Variants in LIMS1 observed in about 807,000 individuals in gnomAD.
LIMS1 encodes LIM and senescent cell antigen-like-containing domain protein 1.
In LIMS1, 18 loss-of-function variants were observed where a neutral mutation model predicts 44.1. That is an observed-to-expected ratio of 0.41 (90% CI 0.28 to 0.61). The LOEUF is 0.61. Among genes scored for constraint, LIMS1 ranks in the 20% least tolerant of loss-of-function variants. The probability of loss-of-function intolerance (pLI) is 0.32; values close to 1 mark genes in which losing one functional copy is unlikely to be tolerated. For synonymous variants in LIMS1, 93 were observed against 149.1 expected, an observed-to-expected ratio of 0.62 and a Z score of 2.74; for missense variants, 201 against 422.0, an observed-to-expected ratio of 0.48 and a Z score of 4.59.
chr2:108,677,828 A>C (rs1488623208), intron 7 of LIMS1, 151 bp from the exon 8 acceptor site: 24 of 1,273,612 alleles, frequency 1.9e-5, no homozygotes, highest in Admixed American at 2.8e-5. Flanking sequence ...AATTACTTTC[A>C]TTGTAAGAAG....
At chr2:108,552,547 CTA>C (rs1293675239) in intron 1 of LIMS1, among the ~76,000 whole-genome samples, 5 of 142,786 alleles carry the variant, frequency 3.5e-5, no homozygotes, top group Admixed American at 2.1e-4. Flanking sequence ...TATATATACA[CTA>C]TGAGTGAACT....
chr2:108,685,122 A>G (rs1261552126), exon 10 of LIMS1: 7 of 152,166 alleles, frequency 4.6e-5, no homozygotes, highest in African/African-American at 1.4e-4. Flanking sequence ...TTATCTTATT[A>G]GAAGAAAATG....
At chr2:108,572,049 A>C (rs2104633544) in intron 1 of LIMS1, among the ~76,000 whole-genome samples, 1 of 152,346 alleles carries the variant, frequency 6.6e-6, no homozygotes, top group South Asian at 2.1e-4. Flanking sequence ...ACATGAATGC[A>C]TGTTGAGCTT....
At chr2:108,576,840 A>G (rs185048580) in intron 1 of LIMS1, among the ~76,000 whole-genome samples, 89 of 152,150 alleles carry the variant, frequency 5.8e-4, no homozygotes, top group Non-Finnish European at 9.4e-4. Flanking sequence ...GATACATGGC[A>G]ACATTTGGTA....
intron 1 of LIMS1, among the ~76,000 whole-genome samples, chr2:108,635,166 C>CA (rs1212238878): frequency 6.6e-6 from 1 of 152,150 alleles, no homozygotes; most frequent in Middle Eastern, 3.2e-3. Flanking sequence ...CGCGGTGACT[C>CA]ACGCCTGTAA....
intron 1 of LIMS1, among the ~76,000 whole-genome samples, chr2:108,592,640 G>A (rs1241258984): frequency 6.6e-6 from 1 of 152,172 alleles, no homozygotes; most frequent in South Asian, 2.1e-4. Flanking sequence ...ACCATAAGGA[G>A]CGTATACTTT....
intron 1 of LIMS1, among the ~76,000 whole-genome samples, chr2:108,541,839 C>T (rs889168353): frequency 1.3e-5 from 2 of 152,172 alleles, no homozygotes; most frequent in Admixed American, 6.5e-5. Flanking sequence ...ATTTAGCCCC[C>T]GCTGTGTAGT....
intron 1 of LIMS1, among the ~76,000 whole-genome samples, 183 bp from the exon 2 acceptor site, chr2:108,659,422 C>T (rs1328982548): frequency 2.6e-5 from 4 of 152,080 alleles, no homozygotes; most frequent in Admixed American, 2.0e-4. Context: ...TCAGATGCTA[C>T]GGTAAAGAGG....
At chr2:108,648,160 A>T (rs562481777) in intron 1 of LIMS1, among the ~76,000 whole-genome samples, 4 of 152,220 alleles carry the variant, frequency 2.6e-5, no homozygotes, top group Admixed American at 2.6e-4. Context: ...AGGCATTCCT[A>T]TACACCAATA....
intron 2 of LIMS1, among the ~76,000 whole-genome samples, chr2:108,661,313 T>C (rs1236681238): frequency 6.7e-6 from 1 of 149,762 alleles, no homozygotes; most frequent in Non-Finnish European, 1.5e-5. Context: ...AAAGAGGTTT[T>C]CGTTTTCTCT....
chr2:108,680,743 C>A (rs1322080902), exon 9 of LIMS1: 4 of 1,610,386 alleles, frequency 2.5e-6, no homozygotes, highest in Non-Finnish European at 3.4e-6. Flanking sequence ...TTTGCCTGTT[C>A]TACCTGCAAC....
chr2:108,535,027 T>G (rs1425956964), intron 1 of LIMS1, among the ~76,000 whole-genome samples: 1 of 152,208 alleles, frequency 6.6e-6, no homozygotes, highest in Non-Finnish European at 1.5e-5. Context: ...TACTATTAAC[T>G]CATTGAATAA....
intron 1 of LIMS1, among the ~76,000 whole-genome samples, chr2:108,584,554 C>G (rs1271490028): frequency 1.3e-5 from 2 of 152,008 alleles, no homozygotes; most frequent in Admixed American, 6.6e-5. Flanking sequence ...AATCTAGTCC[C>G]TGCCCTCCAC....
At chr2:108,674,354 C>A (rs997563744) in intron 5 of LIMS1, among the ~76,000 whole-genome samples, 2 of 151,882 alleles carry the variant, frequency 1.3e-5, no homozygotes, top group Non-Finnish European at 2.9e-5. Context: ...AAAAAATATT[C>A]TTTACTGTAG....
At position 108,586,208 on chromosome 2, in the gene LIMS1, C is replaced by CA. The variant is rs551216102; in HGVS notation, c.32+51621dup. On this transcript the variant is annotated intron_variant, in intron 1 of 9. Transcript: ENST00000544547. ...CTCCGTCTCAAAACACAAAAAAAAA[C>CA]AAAAAAACAAACAAAAAAAGAAAAT... is the stretch of plus-strand genomic sequence containing the variant. 1.2e-4 allele frequency among the ~76,000 whole-genome samples: 18 copies of CA among 151,440 alleles called. No individual in the cohort carries two copies. The South Asian group carries it at 2.3e-3, about 19-fold the overall frequency.
At chr2:108,674,513 G>A (rs949662844) in intron 5 of LIMS1, among the ~76,000 whole-genome samples, 3 of 151,562 alleles carry the variant, frequency 2.0e-5, no homozygotes, top group Non-Finnish European at 2.9e-5. Context: ...ACGAGGTCAG[G>A]AGATCGAGAC....
rs1464033706 is a variant in LIMS1 at position 108,639,926 on chromosome 2, AG to A, written c.33-19678del. 3.9e-5 allele frequency among the ~76,000 whole-genome samples: 6 copies of A among 152,064 alleles called. No homozygotes were observed. The South Asian group carries it at 6.2e-4, about 16-fold the overall frequency. On this transcript the variant is annotated intron_variant, in intron 1 of 9. Coordinates refer to ENST00000544547, the Ensembl canonical transcript of LIMS1. ...TTACCAAACCAAAACAGTACAGTTC[AG>A]TGATCCCATCCCAAAGCACTTACAC...
intron 1 of LIMS1, among the ~76,000 whole-genome samples, chr2:108,541,526 T>C (rs889331255): frequency 6.6e-5 from 10 of 152,226 alleles, no homozygotes; most frequent in African/African-American, 2.4e-4. Context: ...AGAACTACTT[T>C]GGTCACATGT....
At chr2:108,588,189 A>G (rs1686197459) in intron 1 of LIMS1, 1 of 230,952 alleles carries the variant, frequency 4.3e-6, no homozygotes, top group Non-Finnish European at 7.1e-6. Context: ...GAGTTATGAC[A>G]TTTAGGGGTG....
Sources: allele counts gnomAD v4.1 joint callset (sites outside exome capture counted in the v4.1 genomes callset), GRCh38; gene constraint gnomAD v4.1.1; transcripts MANE v1.5; gene names NCBI Gene and HGNC (gene_info 2026-07-23, HGNC 2026-07-21).